ACOXL: variants seen among roughly 807,000 people sequenced by gnomAD.
ACOXL encodes the protein acyl-CoA oxidase like, also known as acyl-coenzyme A oxidase-like protein.
In ACOXL, 70 loss-of-function variants were observed where a neutral mutation model predicts 71.9. The observed-to-expected ratio is 0.97, with a 90% CI of 0.80 to 1.19. ACOXL has a LOEUF of 1.19. Among genes scored for constraint, ACOXL ranks in the 50% most tolerant of loss-of-function variants. The pLI is 0.00. For missense variants in ACOXL, 703 were observed against 736.3 expected (o/e 0.95, Z 0.52); for synonymous variants, 253 against 281.6 (o/e 0.90, Z 1.02).
chr2:111,100,343 G>C (rs2069062014), intron 17 of ACOXL: 1 of 152,650 alleles, frequency 6.6e-6, no homozygotes, highest in South Asian at 2.1e-4. Context: ...AAGTGAGGCA[G>C]GCTGTGTAAC....
rs2070481086 is a variant in ACOXL at position 111,118,156 on chromosome 2, GGTCTCCTGCTGTTAGC to G, written c.*342_*357del. On this transcript the variant is annotated 3_prime_UTR_variant, in exon 18 of 18. Transcript: ENST00000439055. ...CGCCCCACAGCCGGGTGCCGCCAAA[GGTCTCCTGCTGTTAGC>G]GGTGACTCACATTCCCAGTGATTTA... 1.2e-5 allele frequency: 5 copies of G among 434,438 alleles called. No individual in the cohort carries two copies. In the Admixed American group the frequency reaches 2.0e-4, roughly 17 times the overall value. 26.9% of individuals were successfully genotyped at this position (434,438 alleles called of 1,614,324 possible). A position where few individuals can be genotyped will look rare whatever the true frequency, so the allele number is the denominator to read the frequency against.
intron 9 of ACOXL, among the ~76,000 whole-genome samples, chr2:110,812,850 C>T (rs1379132486): frequency 6.6e-6 from 1 of 152,220 alleles, no homozygotes; most frequent in East Asian, 1.9e-4. Context: ...CTGGAACAGG[C>T]GTGTGCCCTC....
chr2:110,820,905 A>G (rs1328174492), intron 9 of ACOXL, among the ~76,000 whole-genome samples: 1 of 152,102 alleles, frequency 6.6e-6, no homozygotes, highest in Admixed American at 6.5e-5. Context: ...AGGTGTAGGG[A>G]GGGAGACTGG....
At chr2:111,006,556 TC>T (rs2063882959) in intron 14 of ACOXL, among the ~76,000 whole-genome samples, 2 of 151,052 alleles carry the variant, frequency 1.3e-5, no homozygotes, top group African/African-American at 4.9e-5. Context: ...GGTGTTTCCC[TC>T]TTTTTTTTTT....
intron 12 of ACOXL, 26 bp from the exon 13 acceptor site, chr2:110,987,082 T>A: frequency 6.5e-7 from 1 of 1,540,818 alleles, no homozygotes. Context: ...CTGCTGAGAC[T>A]GATGAGCGAT....
chr2:111,080,166 C>T (rs1053065441), intron 16 of ACOXL, among the ~76,000 whole-genome samples: 1 of 150,658 alleles, frequency 6.6e-6, no homozygotes, highest in East Asian at 1.9e-4. Context: ...TTTCAAAAAA[C>T]CAGCTCCTGG....
chr2:111,040,749 T>C (rs113629071), intron 15 of ACOXL, among the ~76,000 whole-genome samples: 2 of 152,128 alleles, frequency 1.3e-5, no homozygotes, highest in African/African-American at 4.8e-5. Context: ...GAAAGGACAT[T>C]CCGAGCAGAT....
At chr2:111,115,414 A>T (rs1427609348) in intron 17 of ACOXL, 1 of 152,354 alleles carries the variant, frequency 6.6e-6, no homozygotes, top group African/African-American at 2.4e-5. Flanking sequence ...AAAAATTTTT[A>T]AAACGCCTCA....
At chr2:111,016,259 G>A (rs770601099) in intron 14 of ACOXL, among the ~76,000 whole-genome samples, 1 of 152,204 alleles carries the variant, frequency 6.6e-6, no homozygotes, top group East Asian at 1.9e-4. Context: ...TGGTGATCTG[G>A]TGATCACAGT....
chr2:111,070,851 C>T (rs947453051), intron 16 of ACOXL, among the ~76,000 whole-genome samples: 6 of 152,050 alleles, frequency 3.9e-5, no homozygotes, highest in African/African-American at 1.4e-4. Flanking sequence ...GTGGCCTGTT[C>T]CTGCTTTCCC....
rs536753820 is a variant in ACOXL, at chr2:111,051,155, G to A, written c.1440+1867G>A. On this transcript the variant is annotated intron_variant, in intron 16 of 17. Coordinates refer to ENST00000439055, the MANE Select transcript of ACOXL (RefSeq NM_001142807.4). ...CATCATCAAAGAAAGAAGTTTCACT[G>A]AACAAAAACGTGTGCCGAGTTCATA... 2.6e-5 allele frequency among the ~76,000 whole-genome samples: 4 copies of A among 152,278 alleles called. No individual in the cohort carries two copies. The East Asian group carries it at 5.8e-4, about 22-fold the overall frequency.
chr2:110,837,755 T>G (rs1226365341), intron 9 of ACOXL, among the ~76,000 whole-genome samples: 1 of 152,166 alleles, frequency 6.6e-6, no homozygotes, highest in African/African-American at 2.4e-5. Context: ...GCCATTAAAA[T>G]GTGATTTAAT....
chr2:111,032,793 C>A (rs1372260594), intron 15 of ACOXL, among the ~76,000 whole-genome samples: 1 of 152,190 alleles, frequency 6.6e-6, no homozygotes, highest in Non-Finnish European at 1.5e-5. Context: ...GACCATCCCC[C>A]TTCCTCCCTG....
At chr2:110,755,592 T>C (rs1573357078) in intron 1 of ACOXL, among the ~76,000 whole-genome samples, 2 of 152,372 alleles carry the variant, frequency 1.3e-5, no homozygotes, top group East Asian at 1.9e-4. Flanking sequence ...TTAGATATTA[T>C]TATTATGATA....
In ACOXL at chr2:110,993,617, A is replaced by G. The variant is rs13382824; in HGVS notation, c.1170-2276A>G. 9.4e-3 allele frequency among the ~76,000 whole-genome samples: 1,430 copies of G among 152,262 alleles called. 22 individuals carry two copies. The highest frequency in any genetic ancestry group is 0.032 in the African/African-American group (1,339 of 41,546). ...TTCTTGTATAACCTTTTTTGTGAGC[A>G]TATGTTTTTATTTCTCTTAGGCAAT... is the stretch of plus-strand genomic sequence containing the variant. On this transcript the variant is annotated intron_variant, in intron 13 of 17. Coordinates refer to ENST00000439055, the MANE Select transcript of ACOXL (RefSeq NM_001142807.4).
chr2:111,015,282 C>T (rs1051037751), intron 14 of ACOXL, among the ~76,000 whole-genome samples: 1 of 152,088 alleles, frequency 6.6e-6, no homozygotes, highest in African/African-American at 2.4e-5. Context: ...TGTATAGATA[C>T]AACCCAGGAA....
intron 12 of ACOXL, among the ~76,000 whole-genome samples, chr2:110,975,279 A>C (rs570460970): frequency 2.0e-5 from 3 of 152,360 alleles, no homozygotes; most frequent in Admixed American, 2.0e-4. Flanking sequence ...CAAAAATTTC[A>C]AACAAATTTC....
intron 17 of ACOXL, among the ~76,000 whole-genome samples, chr2:111,103,434 A>G (rs1367872282): frequency 6.6e-6 from 1 of 152,228 alleles, no homozygotes; most frequent in Non-Finnish European, 1.5e-5. Context: ...GACTCTTTGC[A>G]TCTTCCTTTC....
intron 10 of ACOXL, among the ~76,000 whole-genome samples, chr2:110,858,130 T>TA (rs1391782145): frequency 3.3e-5 from 5 of 152,192 alleles, no homozygotes; most frequent in Non-Finnish European, 5.9e-5. Context: ...CCAAAGAAGA[T>TA]ATCTGTTTCG....
Sources: allele counts gnomAD v4.1 joint callset (sites outside exome capture counted in the v4.1 genomes callset), GRCh38; gene constraint gnomAD v4.1.1; transcripts MANE v1.5; gene names NCBI Gene and HGNC (gene_info 2026-07-23, HGNC 2026-07-21).